C10orf71: variants seen among roughly 807,000 people sequenced by gnomAD.
C10orf71 encodes cardiac-enriched FHL2-interacting protein.
For missense variants in C10orf71, 1,869 were observed against 1,804.5 expected (o/e 1.04, Z -0.65); for synonymous variants, 758 against 726.3 (o/e 1.04, Z -0.70).
In C10orf71 at chr10:49,324,016, A is replaced by G. The variant is rs1489571608; in HGVS notation, c.1471A>G (p.Ser491Gly). 2 of 1,613,718 alleles carry G rather than the reference A, an allele frequency of 1.2e-6. No individual in the cohort carries two copies. The highest frequency in any genetic ancestry group is 1.7e-6 in the Non-Finnish European group (2 of 1,179,740). Residue 491 changes from serine (S) to glycine (G), a missense_variant, in exon 3 of 3, where the codon AGC (serine) becomes GGC (glycine). Physicochemically the swap from Ser to Gly is moderately conservative, Grantham distance 56. Coordinates refer to ENST00000374144, the MANE Select transcript of C10orf71 (RefSeq NM_001135196.2). Reference sequence around the variant, plus strand: ...GCCCAGTGAATGTCAGTCTCGAGACAGCTACAAGTCCAAAGCCCCTAGCCT... The same window carrying G: ...GCCCAGTGAATGTCAGTCTCGAGACGGCTACAAGTCCAAAGCCCCTAGCCT... ...KEPSECQSRD[S>G]YKSKAPSLLF... is the part of the protein sequence containing the mutation.
intron 1 of C10orf71, among the ~76,000 whole-genome samples, chr10:49,307,167 C>T (rs1175316122): frequency 6.6e-6 from 1 of 152,264 alleles, no homozygotes; most frequent in Admixed American, 6.5e-5. Context: ...AGCATGGCTG[C>T]TCCTATAAAG....
intron 1 of C10orf71, among the ~76,000 whole-genome samples, chr10:49,315,843 G>A (rs1848991139): frequency 6.6e-6 from 1 of 152,196 alleles, no homozygotes; most frequent in Admixed American, 6.5e-5. Flanking sequence ...ATCACTTGAG[G>A]TCAGGAGTTC....
At position 49,325,986 on chromosome 10, in the gene C10orf71, C is replaced by T. The variant is rs774355756; in HGVS notation, c.3441C>T (p.Ala1147=). Residue 1147 remains alanine, a synonymous_variant, in exon 3 of 3, where the codon GCC becomes GCT. Coordinates refer to ENST00000374144, the MANE Select transcript of C10orf71 (RefSeq NM_001135196.2). The stretch of plus-strand genomic sequence containing the variant: ...CAAGAGGTTCATTGCTGGATGTGGC[C>T]ACCAGCCCAGCAGGCACCTCTGGGA... ...LSPRGSLLDV[A]TSPAGTSGRL... 6.4e-7 allele frequency: 1 copy of T among 1,551,580 alleles called. No homozygotes were observed.
intron 1 of C10orf71, among the ~76,000 whole-genome samples, chr10:49,302,318 C>T (rs1180770746): frequency 1.3e-5 from 2 of 152,230 alleles, no homozygotes; most frequent in African/African-American, 2.4e-5. Context: ...ACCAGCTCAT[C>T]CTCTCACCTG....
chr10:49,305,268 C>A (rs1319905148), intron 1 of C10orf71, among the ~76,000 whole-genome samples: 2 of 152,088 alleles, frequency 1.3e-5, no homozygotes, highest in African/African-American at 2.4e-5. Context: ...TGAGCAGAGA[C>A]TTTTAACCTG....
Position 49,327,091 on chromosome 10 carries a change from T to G in C10orf71, c.*238T>G. On this transcript the variant is annotated 3_prime_UTR_variant, in exon 3 of 3. Transcript: ENST00000374144. ...GAGGGGCACTGCTTGCTTGGCCCGG[T>G]CCCCTCCGTGCCAGTTCCCAGGCGC... The G allele has an allele frequency of 1.4e-6, 2 of 1,405,830 alleles. No individual in the cohort carries two copies. Among genetic ancestry groups the G allele is most frequent in the Non-Finnish European group, 1.9e-6 (2 of 1,050,480 alleles). 87.1% of individuals were successfully genotyped at this position (1,405,830 alleles called of 1,614,324 possible).
At position 49,322,650 on chromosome 10, in the gene C10orf71, G is replaced by A. The variant is rs1367961646; in HGVS notation, c.105G>A (p.Arg35=). 6.2e-7 allele frequency: 1 copy of A among 1,613,598 alleles called. No individual in the cohort carries two copies. The highest frequency in any genetic ancestry group is 1.7e-5 in the Admixed American group (1 of 59,964). ...ADREVSSLTD[R]AFRSLCISED... ...GGGAGGTGAGCAGCCTAACAGACCG[G>A]GCATTCCGGAGTTTGTGCATCTCCG... Residue 35 remains arginine (R), a synonymous_variant, in exon 3 of 3, where the codon CGG becomes CGA. Coordinates refer to ENST00000374144, the MANE Select transcript of C10orf71 (RefSeq NM_001135196.2).
At chr10:49,307,780 A>T (rs1848840262) in intron 1 of C10orf71, among the ~76,000 whole-genome samples, 1 of 152,196 alleles carries the variant, frequency 6.6e-6, no homozygotes, top group South Asian at 2.1e-4. Context: ...AGGAACCAGG[A>T]GGGGACAGGT....
At position 49,322,853 on chromosome 10, in the gene C10orf71, C is replaced by T; in HGVS notation, c.308C>T (p.Pro103Leu). ...SGWAATFQQL[P>L]KYVQGEEKYP... ...TGGGCGGCCACCTTCCAACAGCTAC[C>T]CAAGTACGTTCAGGGAGAGGAAAAG... Residue 103 changes from proline (P) to leucine (L), a missense_variant, in exon 3 of 3, where the codon CCC becomes CTC. Physicochemically the swap from Pro to Leu is moderately conservative, Grantham distance 98. Transcript: ENST00000374144. 2 of 1,613,946 alleles carry T rather than the reference C, an allele frequency of 1.2e-6. No individual in the cohort carries two copies. Among genetic ancestry groups the T allele is most frequent in the East Asian group, 2.2e-5 (1 of 44,872 alleles).
rs751580350 is a variant in C10orf71 at position 49,324,189 on chromosome 10, T to A, written c.1644T>A (p.Leu548=). 1 of 1,613,920 alleles carries A rather than the reference T, an allele frequency of 6.2e-7. No homozygotes were observed. The highest frequency in any genetic ancestry group is 8.5e-7 in the Non-Finnish European group (1 of 1,179,880). The part of the protein sequence containing the change: ...VSNGVILPNG[L]EESPPNELSK... ...ACGGTGTCATCCTCCCCAATGGGCT[T>A]GAGGAAAGCCCTCCAAATGAGCTTT... Residue 548 remains leucine (L), a synonymous_variant, in exon 3 of 3, where the codon CTT becomes CTA. Coordinates refer to ENST00000374144, the MANE Select transcript of C10orf71 (RefSeq NM_001135196.2).
chr10:49,303,499 C>T (rs1428610506), intron 1 of C10orf71, among the ~76,000 whole-genome samples: 1 of 152,176 alleles, frequency 6.6e-6, no homozygotes, highest in Non-Finnish European at 1.5e-5. Context: ...TCTCCAGGTG[C>T]GGTCTCAGGG....
Position 49,323,049 on chromosome 10 carries a change from G to A in C10orf71, c.504G>A (p.Pro168=), listed in dbSNP as rs780220837. Residue 168 remains proline, a synonymous_variant, in exon 3 of 3, where the codon CCG becomes CCA. Transcript: ENST00000374144. The part of the protein sequence containing the change: ...CESRPTASKP[P]ALKNPPKFAP... ...GCAGGCCCACTGCCAGCAAGCCTCC[G>A]GCTCTGAAAAATCCTCCCAAATTCG... 1.8e-5 allele frequency: 29 copies of A among 1,613,848 alleles called. No individual in the cohort carries two copies. Among genetic ancestry groups the A allele is most frequent in the Middle Eastern group, 1.6e-4 (1 of 6,084 alleles).
intron 1 of C10orf71, among the ~76,000 whole-genome samples, chr10:49,310,756 G>A (rs1848896271): frequency 6.6e-6 from 1 of 151,646 alleles, no homozygotes; most frequent in Non-Finnish European, 1.5e-5. Flanking sequence ...GCTAAAAGTT[G>A]GTGAGACCCT....
Position 49,311,663 on chromosome 10 carries a change from G to T in C10orf71, c.-247-4482G>T, listed in dbSNP as rs1848916619. On this transcript the variant is annotated intron_variant, in intron 1 of 2. Coordinates refer to ENST00000374144, the MANE Select transcript of C10orf71 (RefSeq NM_001135196.2). ...TGTAAGTGATAAAAAGGGAAGAAAAGATTCTACGAGGAACAGAACAGAGGA... is the reference window on the plus strand; with the variant it reads ...TGTAAGTGATAAAAAGGGAAGAAAATATTCTACGAGGAACAGAACAGAGGA... 2.6e-5 allele frequency among the ~76,000 whole-genome samples: 4 copies of T among 152,248 alleles called. No individual in the cohort carries two copies. The South Asian group carries it at 8.3e-4, about 32-fold the overall frequency.
chr10:49,327,174 C>CT lies in C10orf71; in HGVS notation c.*323dup. The CT allele has an allele frequency of 1.4e-6, 1 of 716,620 alleles. No homozygotes were observed. The highest frequency in any genetic ancestry group is 2.1e-6 in the Non-Finnish European group (1 of 484,948). 44.4% of individuals were successfully genotyped at this position (716,620 alleles called of 1,614,324 possible). On this transcript the variant is annotated 3_prime_UTR_variant, in exon 3 of 3. Transcript: ENST00000374144. ...CCTCCCTCTCCTGGCCCACCCTGCTCTTCCCTCGCCCTGCAAATTAGGTGG... is the reference window on the plus strand; with the variant it reads ...CCTCCCTCTCCTGGCCCACCCTGCTCTTTCCCTCGCCCTGCAAATTAGGTGG...
chr10:49,319,984 G>A (rs61519033), intron 2 of C10orf71, among the ~76,000 whole-genome samples: 16,664 of 151,950 alleles, frequency 0.11, 1,056 homozygotes, highest in Admixed American at 0.15. Context: ...CCAGGGGGGA[G>A]GGGAAATGGT....
Position 49,325,854 on chromosome 10 carries a change from T to G in C10orf71, c.3309T>G (p.Ser1103Arg), listed in dbSNP as rs1849227690. The change falls in exon 3 of 3, where the codon AGT becomes AGG. Residue 1103 changes from serine (S) to arginine (R), a missense_variant. Physicochemically the swap from Ser to Arg is moderately radical, Grantham distance 110. Coordinates refer to ENST00000374144, the MANE Select transcript of C10orf71 (RefSeq NM_001135196.2). ...AAGCCAGCCCCTGGGCCAGCTCCAG[T>G]CCTGCCAGGGTCACCCGGAGGGAGG... ...PNQASPWASS[S>R]PARVTRREDL... 1.3e-6 allele frequency: 2 copies of G among 1,550,636 alleles called. No homozygotes were observed. Among genetic ancestry groups the G allele is most frequent in the Non-Finnish European group, 8.7e-7 (1 of 1,146,228 alleles).
chr10:49,318,024 C>T (rs1056410953), intron 2 of C10orf71, among the ~76,000 whole-genome samples: 1 of 152,146 alleles, frequency 6.6e-6, no homozygotes, highest in Admixed American at 6.5e-5. Flanking sequence ...CCTTGTGACA[C>T]CTCGATTTTG....
chr10:49,319,355 A>T (rs1156516650), intron 2 of C10orf71, among the ~76,000 whole-genome samples: 2 of 152,066 alleles, frequency 1.3e-5, no homozygotes, highest in Non-Finnish European at 2.9e-5. Flanking sequence ...GAAAAAAAAA[A>T]AGCAGAAAAT....
Sources: gnomAD v4.1 joint callset for allele counts (sites outside exome capture counted in the v4.1 genomes callset) on GRCh38, gnomAD v4.1.1 for gene constraint, MANE v1.5 for transcripts, NCBI Gene and HGNC (gene_info 2026-07-23, HGNC 2026-07-21) for gene names.